The following ZNF532 variants were observed in gnomAD, a reference collection of about 807,000 sequenced individuals.
ZNF532 encodes the protein zinc finger protein 532.
In ZNF532, 22 loss-of-function variants were observed where a neutral mutation model predicts 89.3. The observed-to-expected ratio is 0.25, with a 90% CI of 0.18 to 0.35. ZNF532 has a LOEUF of 0.35. ZNF532 is among the 10% of genes least tolerant of loss of function. ZNF532 has a pLI of 1.00. For missense variants in ZNF532, 1,132 were observed against 1,643.4 expected (o/e 0.69, Z 5.38); for synonymous variants, 606 against 649.6 (o/e 0.93, Z 1.02).
At chr18:58,927,334 G>A (rs987031147) in intron 3 of ZNF532, among the ~76,000 whole-genome samples, 1 of 151,972 alleles carries the variant, frequency 6.6e-6, no homozygotes. Context: ...GGGTGGGGCC[G>A]TAGTGTTTTC....
intron 2 of ZNF532, among the ~76,000 whole-genome samples, chr18:58,888,784 TAA>T (rs33943030): frequency 0.02 from 812 of 40,418 alleles, 54 homozygotes; most frequent in East Asian, 0.15. Flanking sequence ...TATATATATA[TAA>T]AATATATATA....
chr18:58,892,873 C>T (rs2058995692), intron 2 of ZNF532, among the ~76,000 whole-genome samples: 1 of 152,024 alleles, frequency 6.6e-6, no homozygotes, highest in Non-Finnish European at 1.5e-5. Flanking sequence ...TCTGTGACTG[C>T]TGTTTCTGTA....
intron 3 of ZNF532, among the ~76,000 whole-genome samples, chr18:58,933,785 A>C (rs956080605): frequency 6.6e-6 from 1 of 152,316 alleles, no homozygotes; most frequent in East Asian, 1.9e-4. Flanking sequence ...TATTTTATAC[A>C]TAATCAGATT....
intron 2 of ZNF532, among the ~76,000 whole-genome samples, chr18:58,895,593 T>C (rs2059192128): frequency 6.6e-6 from 1 of 152,218 alleles, no homozygotes; most frequent in African/African-American, 2.4e-5. Context: ...TGAGGCTGGC[T>C]GCCAGTCTAT....
chr18:58,954,488 A>G (rs895731263), intron 7 of ZNF532, among the ~76,000 whole-genome samples: 2 of 152,136 alleles, frequency 1.3e-5, no homozygotes, highest in Non-Finnish European at 2.9e-5. Context: ...TTGGTTTGTT[A>G]TGGTCAGGAC....
At chr18:58,934,840 T>G (rs1224023623) in intron 4 of ZNF532, among the ~76,000 whole-genome samples, 22 of 152,000 alleles carry the variant, frequency 1.4e-4, no homozygotes, top group Admixed American at 1.4e-3. Flanking sequence ...CCTGTCCTTT[T>G]AGGCACACTC....
chr18:58,918,162 C>T (rs1488572197), intron 2 of ZNF532, 109 bp from the exon 3 acceptor site: 1 of 1,020,466 alleles, frequency 9.8e-7, no homozygotes, highest in African/African-American at 1.6e-5. Flanking sequence ...GCAGTTACCT[C>T]CTTGCTCTTT....
At chr18:58,888,810 A>C (rs144302422) in intron 2 of ZNF532, among the ~76,000 whole-genome samples, 3 of 11,760 alleles carry the variant, frequency 2.6e-4, no homozygotes, top group Non-Finnish European at 4.3e-4. Flanking sequence ...TATATATATA[A>C]AAAATTATAT....
intron 2 of ZNF532, among the ~76,000 whole-genome samples, chr18:58,885,521 T>TAA (rs1284048221): frequency 2.6e-5 from 4 of 152,212 alleles, no homozygotes; most frequent in African/African-American, 7.2e-5. Context: ...AACCTACACT[T>TAA]ATGTGGATGA....
chr18:58,983,448 C>T (rs558713087), intron 9 of ZNF532, among the ~76,000 whole-genome samples: 1 of 152,298 alleles, frequency 6.6e-6, no homozygotes, highest in East Asian at 1.9e-4. Flanking sequence ...TTCTGTTGCC[C>T]ACTCACAGGC....
chr18:58,870,404 G>T (rs1457914174), intron 2 of ZNF532, among the ~76,000 whole-genome samples: 1 of 152,150 alleles, frequency 6.6e-6, no homozygotes, highest in Non-Finnish European at 1.5e-5. Flanking sequence ...GGCAGTCAGA[G>T]CCTGGGAGAG....
intron 2 of ZNF532, among the ~76,000 whole-genome samples, chr18:58,876,011 C>T (rs2057396881): frequency 6.8e-6 from 1 of 146,698 alleles, no homozygotes; most frequent in Non-Finnish European, 1.5e-5. Flanking sequence ...CGACTCACTG[C>T]AAGCTCTGCC....
At chr18:58,979,367 C>A in intron 8 of ZNF532, 200 bp downstream of exon 8, 1 of 379,794 alleles carries the variant, frequency 2.6e-6, no homozygotes, top group Non-Finnish European at 4.8e-6. Flanking sequence ...GGAGCATTTT[C>A]TTGCATATCC....
chr18:58,945,525 T>A (rs971389989), intron 5 of ZNF532, among the ~76,000 whole-genome samples: 18 of 152,238 alleles, frequency 1.2e-4, no homozygotes, highest in Admixed American at 1.3e-4. Context: ...AAATAGATGG[T>A]CTCCTGTTTT....
intron 2 of ZNF532, among the ~76,000 whole-genome samples, chr18:58,871,818 C>A (rs2057006966): frequency 1.3e-5 from 2 of 152,168 alleles, no homozygotes; most frequent in Admixed American, 1.3e-4. Context: ...CTAGAAATAG[C>A]ATGTTGAAAA....
At chr18:58,949,913 G>A (rs2064001001) in intron 6 of ZNF532, among the ~76,000 whole-genome samples, 1 of 152,128 alleles carries the variant, frequency 6.6e-6, no homozygotes, top group African/African-American at 2.4e-5. Context: ...GTGAATAAAA[G>A]CATGGGAGAT....
At position 58,966,001 on chromosome 18, in the gene ZNF532, G is replaced by T. The variant is rs544327225; in HGVS notation, c.3150+12202G>T. Among the ~76,000 whole-genome samples the T allele has an allele frequency of 6.4e-4, 97 of 152,262 alleles. 1 individual carries two copies. Among genetic ancestry groups the T allele is most frequent in the African/African-American group, 2.2e-3 (92 of 41,550 alleles). ...GCACAGTTAGAATCAGGGTTTTTTT[G>T]AGTCTGGTTATGGGGGTTTGGGATG... On this transcript the variant is annotated intron_variant, in intron 7 of 9. Transcript: ENST00000591808.
At position 58,943,495 on chromosome 18, in the gene ZNF532, G is replaced by T. The variant is rs556050643; in HGVS notation, c.2705+3874G>T. Among the ~76,000 whole-genome samples the T allele has an allele frequency of 2.1e-5, 3 of 142,404 alleles. No homozygotes were observed. In the East Asian group the frequency reaches 6.2e-4, roughly 29 times the overall value. The allele number at this position is 142,404 out of a possible 152,430, so 93.4% of individuals were successfully genotyped here. A position where few individuals can be genotyped will look rare whatever the true frequency, so the allele number is the denominator to read the frequency against. ...TTTCCTTTTTTTGAGATGGAGTCTC[G>T]CTCTGTTGCCAGGCTGTAGTGCAGT... is the stretch of plus-strand genomic sequence containing the variant. On this transcript the variant is annotated intron_variant, in intron 5 of 9. Coordinates refer to ENST00000591808, the MANE Select transcript of ZNF532 (RefSeq NM_001375912.1).
intron 7 of ZNF532, among the ~76,000 whole-genome samples, chr18:58,966,110 C>T (rs943838410): frequency 2.6e-5 from 4 of 152,046 alleles, no homozygotes; most frequent in African/African-American, 4.8e-5. Context: ...CACTTACATA[C>T]GTTCCCTCCT....
Sources: allele counts gnomAD v4.1 joint callset (sites outside exome capture counted in the v4.1 genomes callset), GRCh38; gene constraint gnomAD v4.1.1; transcripts MANE v1.5; gene names NCBI Gene and HGNC (gene_info 2026-07-23, HGNC 2026-07-21).